SLC39A11: variants seen among roughly 807,000 people sequenced by gnomAD.
SLC39A11 encodes solute carrier family 39 member 11.
A neutral mutation model predicts 36.1 loss-of-function variants in SLC39A11; 33 were observed. The ratio of observed to expected loss-of-function variants is 0.91; its 90% CI spans 0.69 to 1.22. The LOEUF is 1.22. Ranked by LOEUF, SLC39A11 falls within the 50% of genes most tolerant of loss-of-function variation. The pLI is 0.00. For missense variants in SLC39A11, 432 were observed against 430.3 expected (o/e 1.00, Z -0.03); for synonymous variants, 166 against 170.3 (o/e 0.97, Z 0.20).
chr17:72,817,285 A>G (rs1367088317), intron 6 of SLC39A11, among the ~76,000 whole-genome samples: 1 of 140,266 alleles, frequency 7.1e-6, no homozygotes, highest in Non-Finnish European at 1.6e-5. Context: ...GAGAGGAAGC[A>G]TGAGAGACGG....
chr17:72,947,413 G>C, intron 5 of SLC39A11: 1 of 311,226 alleles, frequency 3.2e-6, no homozygotes, highest in Non-Finnish European at 6.0e-6. Flanking sequence ...ATCAGAGAGG[G>C]GGACACTGAG....
At chr17:73,021,698 T>C (rs2058358376) in intron 4 of SLC39A11, among the ~76,000 whole-genome samples, 1 of 152,330 alleles carries the variant, frequency 6.6e-6, no homozygotes, top group East Asian at 1.9e-4. Flanking sequence ...GCTTCCACGG[T>C]GGCTTCTGGG....
chr17:72,664,854 CT>C (rs770077051), intron 7 of SLC39A11, among the ~76,000 whole-genome samples: 6 of 152,208 alleles, frequency 3.9e-5, no homozygotes, highest in Non-Finnish European at 7.3e-5. Flanking sequence ...TTCTTCTCTT[CT>C]GATTTCTTCT....
At chr17:73,047,221 GC>G (rs1462497645) in intron 3 of SLC39A11, among the ~76,000 whole-genome samples, 3 of 151,488 alleles carry the variant, frequency 2.0e-5, no homozygotes, top group African/African-American at 7.3e-5. Context: ...AGATGGGGTT[GC>G]ACCGTGTTAG....
chr17:72,759,586 A>C (rs1309006867), intron 6 of SLC39A11, among the ~76,000 whole-genome samples: 3 of 152,230 alleles, frequency 2.0e-5, no homozygotes, highest in Non-Finnish European at 4.4e-5. Context: ...GTATAAATTA[A>C]TGAATTTATG....
intron 7 of SLC39A11, among the ~76,000 whole-genome samples, chr17:72,655,855 G>T (rs184948521): frequency 3.9e-4 from 60 of 152,314 alleles, no homozygotes; most frequent in African/African-American, 1.3e-3. Flanking sequence ...TCAGTGGTAG[G>T]GGGTGAGCCG....
At chr17:73,022,727 G>A (rs1310439264) in intron 4 of SLC39A11, among the ~76,000 whole-genome samples, 5 of 151,252 alleles carry the variant, frequency 3.3e-5, no homozygotes, top group African/African-American at 4.9e-5. Flanking sequence ...TAAAAGTCAC[G>A]GGAGGCTGTG....
At chr17:72,848,476 T>C (rs1263335699) in intron 6 of SLC39A11, among the ~76,000 whole-genome samples, 2 of 152,032 alleles carry the variant, frequency 1.3e-5, no homozygotes, top group African/African-American at 4.8e-5. Context: ...TCCCAACACT[T>C]TGAGGGGCCG....
chr17:72,891,488 A>G (rs1053143493), intron 5 of SLC39A11, among the ~76,000 whole-genome samples: 2 of 151,878 alleles, frequency 1.3e-5, no homozygotes, highest in African/African-American at 2.4e-5. Flanking sequence ...TGCCTTTCCA[A>G]TCTCCCACCC....
intron 5 of SLC39A11, among the ~76,000 whole-genome samples, chr17:72,935,998 A>G (rs1227410466): frequency 6.7e-6 from 1 of 150,226 alleles, no homozygotes; most frequent in African/African-American, 2.4e-5. Flanking sequence ...GGAGTTTGAG[A>G]CCAGCCTGGC....
chr17:73,004,887 C>A (rs963139064), intron 4 of SLC39A11, among the ~76,000 whole-genome samples: 2 of 152,232 alleles, frequency 1.3e-5, no homozygotes, highest in South Asian at 2.1e-4. Flanking sequence ...AAACAGTCCA[C>A]GAGAGGCAGG....
chr17:72,647,888 G>A (rs559084081), intron 9 of SLC39A11, among the ~76,000 whole-genome samples: 2 of 152,234 alleles, frequency 1.3e-5, no homozygotes, highest in East Asian at 3.9e-4. Flanking sequence ...TTTACTGGTG[G>A]GGAAACTGAG....
intron 4 of SLC39A11, among the ~76,000 whole-genome samples, chr17:73,011,234 AC>A (rs761268336): frequency 1.6e-4 from 25 of 152,200 alleles, no homozygotes; most frequent in Non-Finnish European, 3.5e-4. Context: ...CTGGCAAAAC[AC>A]CGCAGAGGCG....
chr17:73,016,535 T>C (rs575132816), intron 4 of SLC39A11, among the ~76,000 whole-genome samples: 2 of 152,100 alleles, frequency 1.3e-5, no homozygotes, highest in South Asian at 4.2e-4. Flanking sequence ...GGTTTCATCA[T>C]GTTAGCCAGA....
rs377426471 is a variant in SLC39A11, at chr17:72,717,971, C to T, written c.671+18679G>A. Among the ~76,000 whole-genome samples, 39 of 152,252 alleles carry T rather than the reference C, an allele frequency of 2.6e-4. 1 individual carries two copies. In the South Asian group the frequency reaches 5.4e-3, roughly 21 times the overall value. ...CTGCCCCCGGTATCTCACTGCTGGG[C>T]GGCACTGGCAAGGGTTATGGTTCTT... On this transcript the variant is annotated intron_variant, in intron 7 of 9. Coordinates refer to ENST00000255559, the MANE Select transcript of SLC39A11 (RefSeq NM_139177.4).
chr17:73,084,114 C>T (rs1415100042), intron 3 of SLC39A11, among the ~76,000 whole-genome samples: 1 of 152,088 alleles, frequency 6.6e-6, no homozygotes, highest in African/African-American at 2.4e-5. Context: ...GCATTACAGG[C>T]TTCTATCCAC....
intron 3 of SLC39A11, among the ~76,000 whole-genome samples, chr17:73,047,027 ATT>A (rs367548823): frequency 1.4e-5 from 2 of 138,004 alleles, no homozygotes; most frequent in African/African-American, 2.7e-5. Context: ...TATTTTATTT[ATT>A]TTTTTTTTTT....
intron 6 of SLC39A11, among the ~76,000 whole-genome samples, chr17:72,753,065 C>A (rs1429610276): frequency 6.6e-6 from 1 of 151,990 alleles, no homozygotes; most frequent in Admixed American, 6.6e-5. Context: ...CATATGTTGG[C>A]CAGGCTGGTC....
At chr17:72,718,269 T>C (rs2073493824) in intron 7 of SLC39A11, among the ~76,000 whole-genome samples, 1 of 151,948 alleles carries the variant, frequency 6.6e-6, no homozygotes, top group Non-Finnish European at 1.5e-5. Context: ...ACCCCGCCTC[T>C]ACTAAAAAGA....
Sources: allele counts gnomAD v4.1 joint callset (sites outside exome capture counted in the v4.1 genomes callset), GRCh38; gene constraint gnomAD v4.1.1; transcripts MANE v1.5; gene names NCBI Gene and HGNC (gene_info 2026-07-23, HGNC 2026-07-21).